PDSS1: variants seen among roughly 807,000 people sequenced by gnomAD.
The protein encoded by PDSS1 is decaprenyl diphosphate synthase subunit 1, also known as all trans-polyprenyl-diphosphate synthase PDSS1.
Under a neutral mutation model 57.5 loss-of-function variants are expected in PDSS1, and 43 were observed. The observed-to-expected ratio is 0.75, with a 90% CI of 0.59 to 0.96. The LOEUF (loss-of-function observed/expected upper bound fraction) is 0.96, where lower values mean the gene tolerates loss of function less well. Ranked by LOEUF, PDSS1 falls within the 50% of genes least tolerant of loss-of-function variation. The pLI is 0.00. For missense variants in PDSS1, 438 were observed against 527.8 expected (o/e 0.83, Z 1.67); for synonymous variants, 175 against 191.3 (o/e 0.91, Z 0.70).
chr10:26,707,379 A>C, intron 4 of PDSS1, among the ~76,000 whole-genome samples: 1 of 152,100 alleles, frequency 6.6e-6, no homozygotes, highest in East Asian at 1.9e-4. Flanking sequence ...GCTGTGACCA[A>C]TTAGTATTTT....
intron 8 of PDSS1, among the ~76,000 whole-genome samples, chr10:26,729,896 G>A (rs1159913877): frequency 1.7e-5 from 2 of 117,144 alleles, no homozygotes; most frequent in African/African-American, 6.4e-5. Flanking sequence ...TGGGTTAATA[G>A]TTGGTTCCTT....
intron 5 of PDSS1, among the ~76,000 whole-genome samples, chr10:26,713,766 C>A (rs1383780558): frequency 6.6e-6 from 1 of 152,136 alleles, no homozygotes; most frequent in Non-Finnish European, 1.5e-5. Context: ...GAGACTTGCC[C>A]CCAGATCCCC....
At chr10:26,738,205 C>G (rs1836469200) in intron 10 of PDSS1, among the ~76,000 whole-genome samples, 1 of 152,210 alleles carries the variant, frequency 6.6e-6, no homozygotes, top group African/African-American at 2.4e-5. Flanking sequence ...TATGCAATAT[C>G]TCCACTTAAT....
At chr10:26,712,001 C>CTTTTTTTTTTTTT (rs543847648) in intron 5 of PDSS1, among the ~76,000 whole-genome samples, 3 of 61,896 alleles carry the variant, frequency 4.8e-5, no homozygotes, top group Non-Finnish European at 3.6e-5. Flanking sequence ...TTTTCTTTTT[C>CTTTTTTTTTTTTT]TTTTTTTTTT....
chr10:26,745,283 C>T (rs1836800770), intron 11 of PDSS1, among the ~76,000 whole-genome samples: 1 of 152,092 alleles, frequency 6.6e-6, no homozygotes, highest in African/African-American at 2.4e-5. Flanking sequence ...AGAAATGATA[C>T]TTTATTAGTA....
At chr10:26,708,844 A>T (rs1162988343) in intron 4 of PDSS1, among the ~76,000 whole-genome samples, 1 of 152,118 alleles carries the variant, frequency 6.6e-6, no homozygotes, top group East Asian at 1.9e-4. Context: ...TAAAAAATTT[A>T]AAAAAACAAC....
intron 5 of PDSS1, among the ~76,000 whole-genome samples, chr10:26,717,090 T>C (rs1835607871): frequency 6.6e-6 from 1 of 152,152 alleles, no homozygotes; most frequent in East Asian, 1.9e-4. Flanking sequence ...GGATAAAAAA[T>C]ACATCAGGTA....
At chr10:26,710,315 G>A (rs1487219557) in intron 5 of PDSS1, among the ~76,000 whole-genome samples, 1 of 81,988 alleles carries the variant, frequency 1.2e-5, no homozygotes, top group East Asian at 3.0e-4. Context: ...GTGTGATCTC[G>A]GCTCACTGGA....
chr10:26,739,418 C>T (rs901582511), intron 10 of PDSS1, among the ~76,000 whole-genome samples: 2 of 152,024 alleles, frequency 1.3e-5, no homozygotes, highest in Non-Finnish European at 2.9e-5. Context: ...GGGGAGTGCC[C>T]GGGGAAGAGT....
intron 4 of PDSS1, among the ~76,000 whole-genome samples, chr10:26,706,724 G>A (rs1588671935): frequency 1.3e-5 from 2 of 152,036 alleles, no homozygotes; most frequent in South Asian, 4.2e-4. Flanking sequence ...ATTGCACTGG[G>A]GCCCCCTTTC....
chr10:26,735,586 T>C lies in PDSS1; in HGVS notation c.1026+7T>C. 2 of 1,529,312 alleles carry C rather than the reference T, an allele frequency of 1.3e-6. No homozygotes were observed. Among genetic ancestry groups the C allele is most frequent in the East Asian group, 4.5e-5 (2 of 44,462 alleles). The allele number at this position is 1,529,312 out of a possible 1,614,324, so 94.7% of individuals were successfully genotyped here. On this transcript the variant is annotated splice_region_variant and intron_variant, in intron 10 of 11. Transcript: ENST00000376215. ...CCTGTTTGCCTGTCAGCAGGTAGGTTTTACAAACTCCCTTTGACACATCAC... is the reference window on the plus strand; with the variant it reads ...CCTGTTTGCCTGTCAGCAGGTAGGTCTTACAAACTCCCTTTGACACATCAC...
intron 5 of PDSS1, among the ~76,000 whole-genome samples, chr10:26,719,751 G>A (rs1257046798): frequency 6.6e-6 from 1 of 152,286 alleles, no homozygotes. Context: ...GGGTGACAGA[G>A]CGAGACCCTG....
Position 26,711,684 on chromosome 10 carries a change from G to A in PDSS1, c.467+1916G>A, listed in dbSNP as rs1403849316. On this transcript the variant is annotated intron_variant, in intron 5 of 11. Coordinates refer to ENST00000376215, the MANE Select transcript of PDSS1 (RefSeq NM_014317.5). The stretch of plus-strand genomic sequence containing the variant: ...TTGGGCCACATTGTTCTTTGTTGGG[G>A]GTCACTGGGGGCTGCCATGTGCATT... Among the ~76,000 whole-genome samples, 5 of 95,856 alleles carry A rather than the reference G, an allele frequency of 5.2e-5. 2 individuals are homozygous for A. Among genetic ancestry groups the A allele is most frequent in the African/African-American group, 1.7e-4 (5 of 29,394 alleles). The allele number at this position is 95,856 out of a possible 152,430, so 62.9% of individuals were successfully genotyped here.
intron 4 of PDSS1, 71 bp downstream of exon 4, chr10:26,705,465 T>C: frequency 1.6e-6 from 1 of 635,918 alleles, no homozygotes; most frequent in East Asian, 3.3e-5. Context: ...ATTTTATTTT[T>C]TATTCTTATA....
At chr10:26,713,303 C>T (rs375643428) in intron 5 of PDSS1, among the ~76,000 whole-genome samples, 1 of 151,790 alleles carries the variant, frequency 6.6e-6, no homozygotes. Context: ...AAAAACCAAA[C>T]AAAACAAAAA....
At position 26,735,489 on chromosome 10, in the gene PDSS1, C is replaced by T; in HGVS notation, c.936C>T (p.Phe312=). The T allele has an allele frequency of 6.2e-7, 1 of 1,612,894 alleles. No homozygotes were observed. The highest frequency in any genetic ancestry group is 1.1e-5 in the South Asian group (1 of 91,064). Residue 312 remains phenylalanine, a synonymous_variant, in exon 10 of 12, where the codon TTC becomes TTT. Coordinates refer to ENST00000376215, the MANE Select transcript of PDSS1 (RefSeq NM_014317.5). ...AFQLIDDVLD[F]TSCSDQMGKP... ...AGCTAATAGATGATGTATTGGACTT[C>T]ACCTCGTGTTCTGACCAGATGGGCA...
At chr10:26,732,729 A>G (rs1836255778) in intron 8 of PDSS1, among the ~76,000 whole-genome samples, 1 of 152,252 alleles carries the variant, frequency 6.6e-6, no homozygotes, top group African/African-American at 2.4e-5. Context: ...CACCAACCAC[A>G]TAATCCATAT....
intron 11 of PDSS1, among the ~76,000 whole-genome samples, chr10:26,742,899 C>A (rs1004780298): frequency 1.3e-5 from 2 of 152,174 alleles, no homozygotes; most frequent in African/African-American, 4.8e-5. Context: ...TTCCCTGTGT[C>A]CATCAACAGA....
chr10:26,737,267 G>C (rs1211903401), intron 10 of PDSS1, among the ~76,000 whole-genome samples: 1 of 152,192 alleles, frequency 6.6e-6, no homozygotes, highest in East Asian at 1.9e-4. Context: ...AAGGTGACTG[G>C]GTGAGAGGAG....
Sources: gnomAD v4.1 joint callset for allele counts (sites outside exome capture counted in the v4.1 genomes callset) on GRCh38, gnomAD v4.1.1 for gene constraint, MANE v1.5 for transcripts, NCBI Gene and HGNC (gene_info 2026-07-23, HGNC 2026-07-21) for gene names.